Variants in RBFOX3 observed in about 807,000 individuals in gnomAD.
RBFOX3 encodes the protein RNA binding protein fox-1 homolog 3.
Under a neutral mutation model 48.7 loss-of-function variants are expected in RBFOX3, and 17 were observed. That is an observed-to-expected ratio of 0.35 (90% confidence interval 0.24 to 0.52). The LOEUF is 0.52. Among genes scored for constraint, RBFOX3 ranks in the 20% least tolerant of loss-of-function variants. The probability of loss-of-function intolerance (pLI) is 0.94; values close to 1 mark genes in which losing one functional copy is unlikely to be tolerated. For synonymous variants in RBFOX3, 212 were observed against 209.5 expected, an observed-to-expected ratio of 1.01 and a Z score of -0.10; for missense variants, 382 against 497.5, an observed-to-expected ratio of 0.77 and a Z score of 2.21.
At chr17:79,454,303 T>C (rs2149182887) in intron 2 of RBFOX3, among the ~76,000 whole-genome samples, 1 of 152,214 alleles carries the variant, frequency 6.6e-6, no homozygotes, top group East Asian at 1.9e-4. Context: ...CAAATCCAGC[T>C]TCCAGGGAGT....
At chr17:79,163,729 G>A (rs1183990690) in intron 4 of RBFOX3, among the ~76,000 whole-genome samples, 1 of 152,126 alleles carries the variant, frequency 6.6e-6, no homozygotes, top group Non-Finnish European at 1.5e-5. Flanking sequence ...GGCTGATGCG[G>A]AAGCTTTGCC....
intron 2 of RBFOX3, among the ~76,000 whole-genome samples, chr17:79,451,547 T>C (rs1281070786): frequency 1.3e-5 from 2 of 152,160 alleles, no homozygotes; most frequent in South Asian, 2.1e-4. Flanking sequence ...TGCCCTTGAA[T>C]TGCAACTGGC....
chr17:79,463,550 A>G (rs111171015), intron 2 of RBFOX3, among the ~76,000 whole-genome samples: 2 of 108,668 alleles, frequency 1.8e-5, no homozygotes, highest in African/African-American at 3.8e-5. Context: ...CACCACCATC[A>G]CCACTGACAC....
chr17:79,103,345 G>A lies in RBFOX3; in HGVS notation c.415-91C>T. 1 of 848,718 alleles carries A rather than the reference G, an allele frequency of 1.2e-6. No individual in the cohort carries two copies. Among genetic ancestry groups the A allele is most frequent in the Non-Finnish European group, 1.9e-6 (1 of 513,860 alleles). 52.6% of individuals were successfully genotyped at this position (848,718 alleles called of 1,614,324 possible). A position where few individuals can be genotyped will look rare whatever the true frequency, so the allele number is the denominator to read the frequency against. On this transcript the variant is annotated intron_variant, in intron 7 of 14. Transcript: ENST00000693108. This position sits in a 1 kb window ranked among gnomAD's most constrained non-coding sequence, Gnocchi z 6.1. ...GACGAGGAAGAAGAGGAGTGGGAGG[G>A]GGGCAGGGGAGTGGGGAGAGAGAGA...
At chr17:79,259,515 G>C (rs2065394962) in intron 3 of RBFOX3, among the ~76,000 whole-genome samples, 1 of 152,234 alleles carries the variant, frequency 6.6e-6, no homozygotes, top group Non-Finnish European at 1.5e-5. Context: ...CAAACCAGCT[G>C]CATCTGGGAG....
At chr17:79,227,865 G>C (rs1043831398) in intron 4 of RBFOX3, among the ~76,000 whole-genome samples, 8 of 152,186 alleles carry the variant, frequency 5.3e-5, no homozygotes, top group African/African-American at 1.9e-4. Flanking sequence ...CCATCACATT[G>C]CATGGACCTC....
At chr17:79,283,265 C>CTTTTTT (rs11307023) in intron 3 of RBFOX3, among the ~76,000 whole-genome samples, 14 of 114,580 alleles carry the variant, frequency 1.2e-4, no homozygotes, top group African/African-American at 2.3e-4. Context: ...TGTTCCTTTT[C>CTTTTTT]TTTTTTTTTT....
chr17:79,138,004 G>A (rs2040661112), intron 4 of RBFOX3, among the ~76,000 whole-genome samples: 2 of 152,140 alleles, frequency 1.3e-5, no homozygotes, highest in Non-Finnish European at 2.9e-5. Context: ...ACAGGCGGAG[G>A]CACATCCCAG....
intron 2 of RBFOX3, among the ~76,000 whole-genome samples, chr17:79,369,115 C>T (rs530564583): frequency 4.0e-4 from 61 of 152,286 alleles, no homozygotes; most frequent in African/African-American, 1.4e-3. Flanking sequence ...TGTCTCACTG[C>T]GCCCAGTGCA....
intron 4 of RBFOX3, among the ~76,000 whole-genome samples, chr17:79,176,142 G>A (rs773495346): frequency 4.6e-5 from 7 of 152,200 alleles, no homozygotes; most frequent in African/African-American, 1.2e-4. Context: ...CTCTGGAGAC[G>A]GTGACGCCCC....
intron 3 of RBFOX3, among the ~76,000 whole-genome samples, chr17:79,268,701 T>A (rs1398943762): frequency 6.6e-6 from 1 of 152,098 alleles, no homozygotes; most frequent in African/African-American, 2.4e-5. Context: ...GGCTCTGGCA[T>A]CCCTCCCGCT....
At chr17:79,562,677 G>C in intron 1 of RBFOX3, among the ~76,000 whole-genome samples, 1 of 152,288 alleles carries the variant, frequency 6.6e-6, no homozygotes. Flanking sequence ...GGTGTCTGGG[G>C]GCGCCAGAGA....
At position 79,477,425 on chromosome 17, in the gene RBFOX3, G is replaced by A. The variant is rs565963444; in HGVS notation, c.-175+5029C>T. On this transcript the variant is annotated intron_variant, in intron 2 of 14. Coordinates refer to ENST00000693108, the MANE Select transcript of RBFOX3 (RefSeq NM_001350451.2). This position sits in a 1 kb window ranked among gnomAD's most constrained non-coding sequence, Gnocchi z 4.8. ...CAAAACATTAGCCAGACGTGGTGGCGGGCGCCTGTAGTCCCAGCTACTTGG... is the reference window on the plus strand; with the variant it reads ...CAAAACATTAGCCAGACGTGGTGGCAGGCGCCTGTAGTCCCAGCTACTTGG... 1.6e-3 allele frequency among the ~76,000 whole-genome samples: 243 copies of A among 151,892 alleles called. No individual in the cohort carries two copies. Among genetic ancestry groups the A allele is most frequent in the East Asian group, 4.3e-3 (22 of 5,136 alleles).
chr17:79,449,622 AACACACACACACACACAC>A (rs57480439), intron 2 of RBFOX3, among the ~76,000 whole-genome samples: 1 of 144,494 alleles, frequency 6.9e-6, no homozygotes, highest in Non-Finnish European at 1.5e-5. Context: ...TGCACACATA[AACACACACACACACACAC>A]ACACACACAC....
At chr17:79,478,255 G>A (rs1178967742) in intron 2 of RBFOX3, among the ~76,000 whole-genome samples, 2 of 152,214 alleles carry the variant, frequency 1.3e-5, no homozygotes, top group Admixed American at 1.3e-4. Flanking sequence ...CTCATTTGGA[G>A]ATGATTTATG....
At chr17:79,158,963 T>C (rs2046385417) in intron 4 of RBFOX3, among the ~76,000 whole-genome samples, 1 of 152,194 alleles carries the variant, frequency 6.6e-6, no homozygotes, top group South Asian at 2.1e-4. Flanking sequence ...CAACCGACAC[T>C]GCTTGAGCAC....
At chr17:79,149,787 G>C (rs2043913147) in intron 4 of RBFOX3, among the ~76,000 whole-genome samples, 1 of 151,376 alleles carries the variant, frequency 6.6e-6, no homozygotes, top group Admixed American at 6.6e-5. Context: ...GGCGGCTGCT[G>C]GGCATCGCCA....
intron 1 of RBFOX3, among the ~76,000 whole-genome samples, chr17:79,580,514 C>T (rs2093024049): frequency 6.6e-6 from 1 of 152,142 alleles, no homozygotes. Context: ...TTCAGCGGTG[C>T]TCAGTGAATT....
At chr17:79,661,815 G>T in the RBFOX3 span, among the ~76,000 whole-genome samples, 1 of 152,300 alleles carries the variant, frequency 6.6e-6, no homozygotes, top group East Asian at 1.9e-4. Context: ...GGCAGTATCT[G>T]GTTCTACCTG....
Sources: gnomAD v4.1 joint callset for allele counts (sites outside exome capture counted in the v4.1 genomes callset) on GRCh38, gnomAD v4.1.1 for gene constraint, Gnocchi (gnomAD v3.1) non-coding constraint, MANE v1.5 for transcripts, NCBI Gene and HGNC (gene_info 2026-07-23, HGNC 2026-07-21) for gene names.